The following CAMK4 variants were observed in gnomAD, a reference collection of about 807,000 sequenced individuals.
CAMK4 encodes calcium/calmodulin-dependent protein kinase type IV.
Under a neutral mutation model 44.9 loss-of-function variants are expected in CAMK4, and 22 were observed. That is an observed-to-expected ratio of 0.49 (90% confidence interval 0.35 to 0.70). CAMK4 has a LOEUF of 0.70. CAMK4 is among the 30% of genes least tolerant of loss of function. The pLI is 0.01. For synonymous variants in CAMK4, 218 were observed against 215.4 expected (o/e 1.01, Z -0.11); for missense variants, 498 against 586.8 (o/e 0.85, Z 1.56).
chr5:111,342,312 A>G (rs1470934406), intron 1 of CAMK4, among the ~76,000 whole-genome samples: 2 of 151,400 alleles, frequency 1.3e-5, no homozygotes, highest in Non-Finnish European at 3.0e-5. Flanking sequence ...TGTTAGGTGC[A>G]CACATATTTA....
intron 5 of CAMK4, among the ~76,000 whole-genome samples, chr5:111,411,803 A>T (rs1016393543): frequency 5.3e-5 from 8 of 152,248 alleles, no homozygotes; most frequent in African/African-American, 1.9e-4. Context: ...AAAAATATGA[A>T]CTTTTCAAAA....
chr5:111,410,386 C>T (rs1752589551), intron 5 of CAMK4, among the ~76,000 whole-genome samples: 1 of 152,084 alleles, frequency 6.6e-6, no homozygotes, highest in South Asian at 2.1e-4. Context: ...GGAACTGCCC[C>T]CAAGATTCAA....
At chr5:111,242,688 G>A (rs996753506) in intron 1 of CAMK4, among the ~76,000 whole-genome samples, 2 of 152,062 alleles carry the variant, frequency 1.3e-5, no homozygotes, top group East Asian at 1.9e-4. Context: ...CAGCCGTTGC[G>A]CTTGCCGTCT....
chr5:111,296,025 T>C (rs1371026507), intron 1 of CAMK4, among the ~76,000 whole-genome samples: 2 of 152,246 alleles, frequency 1.3e-5, no homozygotes, highest in Non-Finnish European at 2.9e-5. Context: ...AGCTTTTTCA[T>C]TTAGAAAGAA....
intron 2 of CAMK4, among the ~76,000 whole-genome samples, chr5:111,345,438 A>C (rs73788815): frequency 0.041 from 6,268 of 152,032 alleles, 450 homozygotes; most frequent in African/African-American, 0.14. Context: ...AAGGATTATT[A>C]AAACTTTTAT....
intron 2 of CAMK4, among the ~76,000 whole-genome samples, chr5:111,354,516 G>A (rs965517267): frequency 2.6e-5 from 4 of 151,350 alleles, no homozygotes; most frequent in Admixed American, 6.6e-5. Context: ...TTTGCAATGC[G>A]TACATCAGAA....
intron 1 of CAMK4, among the ~76,000 whole-genome samples, chr5:111,335,902 CTCTT>C (rs909942015): frequency 1.3e-5 from 2 of 150,448 alleles, no homozygotes; most frequent in Admixed American, 1.3e-4. Context: ...TGACAACTCT[CTCTT>C]TTTGTGTAAT....
chr5:111,290,299 G>C lies in CAMK4; in HGVS notation c.162-53725G>C, dbSNP rs1420313148. ...AGAAGCAAGACCAATAGGTCCCATG[G>C]CTATGCAAACATTTTTGCATCTTCT... On this transcript the variant is annotated intron_variant, in intron 1 of 10. Transcript: ENST00000282356. The surrounding 1 kb of genome is among the most constrained non-coding windows in gnomAD (Gnocchi z 4.5). Among the ~76,000 whole-genome samples, 1 of 152,098 alleles carries C rather than the reference G, an allele frequency of 6.6e-6. No individual in the cohort carries two copies. The highest frequency in any genetic ancestry group is 1.9e-4 in the East Asian group (1 of 5,180).
At chr5:111,442,539 TATATAC>T (rs900257145) in intron 5 of CAMK4, among the ~76,000 whole-genome samples, 8 of 143,476 alleles carry the variant, frequency 5.6e-5, no homozygotes, top group African/African-American at 8.3e-5. Flanking sequence ...TATATATATA[TATATAC>T]ACACACACAC....
intron 1 of CAMK4, among the ~76,000 whole-genome samples, chr5:111,322,868 T>G (rs1415832342): frequency 6.6e-6 from 1 of 152,066 alleles, no homozygotes; most frequent in Non-Finnish European, 1.5e-5. Context: ...ATATGAAATT[T>G]AAAATGAATA....
chr5:111,422,697 G>A (rs773010547), intron 5 of CAMK4, among the ~76,000 whole-genome samples: 7 of 152,070 alleles, frequency 4.6e-5, no homozygotes, highest in Non-Finnish European at 7.4e-5. Flanking sequence ...TTTAATCAAA[G>A]GTCCTACCCT....
chr5:111,289,685 C>T (rs2046980703), intron 1 of CAMK4, among the ~76,000 whole-genome samples: 1 of 152,200 alleles, frequency 6.6e-6, no homozygotes, highest in Non-Finnish European at 1.5e-5. Flanking sequence ...AGTTCCACAT[C>T]TTTATCCCCA....
rs1370841177 is a variant in CAMK4 at position 111,290,850 on chromosome 5, G to A, written c.162-53174G>A. On this transcript the variant is annotated intron_variant, in intron 1 of 10. Transcript: ENST00000282356. The surrounding 1 kb of genome is among the most constrained non-coding windows in gnomAD (Gnocchi z 4.5). ...GTCTCTTGGAGGTTTATTTAAAAGTGAATATGTAAAACGTATGGAACCACA... is the reference window on the plus strand; with the variant it reads ...GTCTCTTGGAGGTTTATTTAAAAGTAAATATGTAAAACGTATGGAACCACA... 6.6e-6 allele frequency among the ~76,000 whole-genome samples: 1 copy of A among 152,176 alleles called. No individual in the cohort carries two copies. Among genetic ancestry groups the A allele is most frequent in the Non-Finnish European group, 1.5e-5 (1 of 68,038 alleles).
chr5:111,376,977 T>C, intron 4 of CAMK4, 35 bp downstream of exon 4: 1 of 1,417,208 alleles, frequency 7.1e-7, no homozygotes, highest in Non-Finnish European at 9.8e-7. Flanking sequence ...CACAGAAAGG[T>C]TTGCTTTTGG....
intron 1 of CAMK4, among the ~76,000 whole-genome samples, chr5:111,247,215 T>A (rs544867199): frequency 3.3e-5 from 5 of 151,146 alleles, no homozygotes; most frequent in South Asian, 2.1e-4. Flanking sequence ...TATGTAAAAA[T>A]AGTAGGATAT....
At chr5:111,248,771 T>C (rs1188072886) in intron 1 of CAMK4, among the ~76,000 whole-genome samples, 8 of 152,184 alleles carry the variant, frequency 5.3e-5, no homozygotes, top group African/African-American at 1.9e-4. Flanking sequence ...TAATGTCATA[T>C]GGTCTAGAGT....
chr5:111,343,372 A>C (rs116781202), intron 1 of CAMK4, among the ~76,000 whole-genome samples: 1 of 151,698 alleles, frequency 6.6e-6, no homozygotes, highest in African/African-American at 2.4e-5. Context: ...TTTGGTCTAT[A>C]TTTCTCTTTT....
intron 1 of CAMK4, among the ~76,000 whole-genome samples, chr5:111,229,308 C>T (rs955332980): frequency 9.9e-5 from 15 of 152,160 alleles, no homozygotes; most frequent in African/African-American, 3.6e-4. Flanking sequence ...CGTCACAAGG[C>T]AGAGAGGAAG....
intron 1 of CAMK4, among the ~76,000 whole-genome samples, chr5:111,275,289 C>G (rs565064752): frequency 2.8e-4 from 43 of 152,064 alleles, no homozygotes; most frequent in Non-Finnish European, 6.2e-4. Context: ...TATATTCTCC[C>G]GAGAACAAGA....
Sources: gnomAD v4.1 joint callset for allele counts (sites outside exome capture counted in the v4.1 genomes callset) on GRCh38, gnomAD v4.1.1 for gene constraint, Gnocchi (gnomAD v3.1) non-coding constraint, MANE v1.5 for transcripts, NCBI Gene and HGNC (gene_info 2026-07-23, HGNC 2026-07-21) for gene names.